EP400: variants seen among roughly 807,000 people sequenced by gnomAD.
The protein encoded by EP400 is E1A-binding protein p400.
EP400 carries 105 observed loss-of-function variants against 354.1 expected under a neutral mutation model. The observed-to-expected ratio is 0.30, with a 90% CI of 0.25 to 0.35. The LOEUF (loss-of-function observed/expected upper bound fraction) is 0.35. EP400 is among the 10% of genes least tolerant of loss of function. The pLI, the probability that EP400 is intolerant of heterozygous loss-of-function variation, is 1.00. For synonymous variants in EP400, 1,646 were observed against 1,716.9 expected (o/e 0.96, Z 1.02); for missense variants, 3,280 against 4,121.0 (o/e 0.80, Z 5.59).
At chr12:131,968,052 G>A (rs1892161538) in intron 2 of EP400, among the ~76,000 whole-genome samples, 1 of 151,908 alleles carries the variant, frequency 6.6e-6, no homozygotes, top group Non-Finnish European at 1.5e-5. Flanking sequence ...TCTTTGGCTT[G>A]TTTTTTTCTT....
chr12:131,951,761 C>T (rs1380567680), intron 1 of EP400, among the ~76,000 whole-genome samples: 2 of 151,430 alleles, frequency 1.3e-5, no homozygotes, highest in East Asian at 2.0e-4. Flanking sequence ...GCCATCATGC[C>T]CAGCTAATTT....
intron 1 of EP400, among the ~76,000 whole-genome samples, chr12:131,950,369 C>T (rs1248468309): frequency 2.6e-5 from 4 of 152,142 alleles, no homozygotes; most frequent in South Asian, 2.1e-4. Flanking sequence ...AACCGGGGGA[C>T]TCCGGCCCGC....
At chr12:132,063,911 A>G (rs1895794448) in intron 47 of EP400, among the ~76,000 whole-genome samples, 2 of 152,148 alleles carry the variant, frequency 1.3e-5, no homozygotes, top group Non-Finnish European at 2.9e-5. Flanking sequence ...TGCTGTGCTC[A>G]AGAGTCCCAG....
Position 132,050,703 on chromosome 12 carries a change from T to C in EP400, c.7394+48T>C. ...TTTGTTACTGTTTGGAAGGATTTCA[T>C]TCCAGTGTCATCTAAGTTCAGTGAG... On this transcript the variant is annotated intron_variant, in intron 41 of 52. Coordinates refer to ENST00000389561, the MANE Select transcript of EP400 (RefSeq NM_015409.5). This position sits in a 1 kb window ranked among gnomAD's most constrained non-coding sequence, Gnocchi z 4.8. 6.2e-7 allele frequency: 1 copy of C among 1,609,770 alleles called. No individual in the cohort carries two copies. The highest frequency in any genetic ancestry group is 1.7e-5 in the Admixed American group (1 of 60,018).
chr12:132,002,212 A>T (rs1000660859), intron 12 of EP400, among the ~76,000 whole-genome samples: 4 of 152,216 alleles, frequency 2.6e-5, no homozygotes, highest in African/African-American at 7.2e-5. Flanking sequence ...AGTGTTTAGT[A>T]CATTTGTATT....
rs770484124 is a variant in EP400, at chr12:131,986,468, C to T, written c.1930-46C>T. On this transcript the variant is annotated intron_variant, in intron 5 of 52. Coordinates refer to ENST00000389561, the MANE Select transcript of EP400 (RefSeq NM_015409.5). ...AGGTATTTGGCACCGTGGGCTGCCC[C>T]GACATCTTTTCTTCACCTTGCTCCA... 1.4e-5 allele frequency: 22 copies of T among 1,539,808 alleles called. No homozygotes were observed. In the Admixed American group the frequency reaches 2.5e-4, roughly 18 times the overall value.
rs575217796 is a variant in EP400 at position 131,996,295 on chromosome 12, C to CTTTTTTTTT, written c.2827+1347_2827+1355dup. On this transcript the variant is annotated intron_variant, in intron 12 of 52. Coordinates refer to ENST00000389561, the MANE Select transcript of EP400 (RefSeq NM_015409.5). The stretch of plus-strand genomic sequence containing the variant: ...AAGCTCCACATCTCAGGAAGGAACT[C>CTTTTTTTTT]TTTTTTTTTTTTTTTTGAGATGGAG... Among the ~76,000 whole-genome samples the CTTTTTTTTT allele has an allele frequency of 1.3e-3, 161 of 128,192 alleles. 2 individuals carry two copies. The highest frequency in any genetic ancestry group is 3.0e-3 in the African/African-American group (93 of 31,294). The allele number at this position is 128,192 out of a possible 152,430, so 84.1% of individuals were successfully genotyped here. A position where few individuals can be genotyped will look rare whatever the true frequency, so the allele number is the denominator to read the frequency against.
chr12:131,963,132 GAAAGAAAAAC>G (rs1216810690), intron 2 of EP400, among the ~76,000 whole-genome samples: 1 of 152,142 alleles, frequency 6.6e-6, no homozygotes, highest in Non-Finnish European at 1.5e-5. Flanking sequence ...CCTGTGCTTA[GAAAGAAAAAC>G]AAATTCGTTT....
rs1483025796 is a variant in EP400, at chr12:131,956,531, C to T, written c.-35-4054C>T. On this transcript the variant is annotated intron_variant, in intron 1 of 52. Transcript: ENST00000389561. ...GTTTTTTAGGTTGGTAGGTTAATTT[C>T]CTTCGGGTAGATTTCTAGAAGTAGG... Among the ~76,000 whole-genome samples the T allele has an allele frequency of 2.1e-4, 32 of 151,960 alleles. 1 individual carries two copies. Among genetic ancestry groups the T allele is most frequent in the Admixed American group, 2.1e-3 (32 of 15,238 alleles).
At chr12:131,951,771 T>G (rs1891508145) in intron 1 of EP400, among the ~76,000 whole-genome samples, 1 of 151,324 alleles carries the variant, frequency 6.6e-6, no homozygotes, top group African/African-American at 2.4e-5. Flanking sequence ...CCAGCTAATT[T>G]TTTTGTATTG....
In EP400 at chr12:132,069,478, T is replaced by C. The variant is rs1374590202; in HGVS notation, c.8875-17T>C. 2 of 1,612,142 alleles carry C rather than the reference T, an allele frequency of 1.2e-6. No homozygotes were observed. Among genetic ancestry groups the C allele is most frequent in the Admixed American group, 3.3e-5 (2 of 59,984 alleles). ...CGGCATGGTCTCTGCGGCCCTAATT[T>C]CGCAGTCTCTCCCCAGATCACCGCA... On this transcript the variant is annotated splice_polypyrimidine_tract_variant and intron_variant, in intron 50 of 52. Transcript: ENST00000389561.
At position 132,043,358 on chromosome 12, in the gene EP400, G is replaced by T. The variant is rs148271415; in HGVS notation, c.6262G>T (p.Gly2088Trp). Residue 2088 changes from glycine to tryptophan, a missense_variant, in exon 33 of 53, where the codon GGG becomes TGG. Physicochemically the swap from Gly to Trp is radical, Grantham distance 184. Transcript: ENST00000389561. ...EEDAQKSAQE[G>W]VLGPHTDALS... ...GGATGCCCAGAAGTCCGCACAGGAGGGGGTGCTGGGACCACACACTGATGC... is the reference window on the plus strand; with the variant it reads ...GGATGCCCAGAAGTCCGCACAGGAGTGGGTGCTGGGACCACACACTGATGC... The T allele has an allele frequency of 5.5e-5, 88 of 1,614,096 alleles. No homozygotes were observed. The East Asian group carries it at 1.3e-3, about 25-fold the overall frequency.
chr12:132,022,751 A>G lies in EP400; in HGVS notation c.4691-1026A>G, dbSNP rs150848471. Among the ~76,000 whole-genome samples the G allele has an allele frequency of 2.4e-3, 371 of 151,540 alleles. 4 individuals are homozygous for G. Among genetic ancestry groups the G allele is most frequent in the Non-Finnish European group, 3.2e-3 (220 of 67,950 alleles). ...AGCTTTATATCTTAAAGCTTTATTT[A>G]TGTATGTGATTTCTTTATGTATCTA... is the stretch of plus-strand genomic sequence containing the variant. On this transcript the variant is annotated intron_variant, in intron 23 of 52. Coordinates refer to ENST00000389561, the MANE Select transcript of EP400 (RefSeq NM_015409.5).
At chr12:131,991,580 T>TC (rs1555273333) in intron 10 of EP400, 124 bp downstream of exon 10, 64 of 831,402 alleles carry the variant, frequency 7.7e-5, no homozygotes, top group Admixed American at 4.5e-4. Context: ...TCTTTTCTTT[T>TC]TTTTTTTTTT....
At chr12:131,973,589 G>A (rs1419256907) in intron 2 of EP400, among the ~76,000 whole-genome samples, 1 of 152,184 alleles carries the variant, frequency 6.6e-6, no homozygotes, top group African/African-American at 2.4e-5. Flanking sequence ...GCTACAGTGA[G>A]CCAAGATTGT....
chr12:132,038,222 C>A lies in EP400; in HGVS notation c.6207+126C>A. 1 of 1,246,850 alleles carries A rather than the reference C, an allele frequency of 8.0e-7. No homozygotes were observed. The highest frequency in any genetic ancestry group is 2.5e-5 in the East Asian group (1 of 40,600). 77.2% of individuals were successfully genotyped at this position (1,246,850 alleles called of 1,614,324 possible). ...CTGGCCTGAAGCCCTCTTCCCGTCCCTGCTTTTGGAACCTCCCCACTCCCT... is the reference window on the plus strand; with the variant it reads ...CTGGCCTGAAGCCCTCTTCCCGTCCATGCTTTTGGAACCTCCCCACTCCCT... On this transcript the variant is annotated intron_variant, in intron 32 of 52. Transcript: ENST00000389561. This position sits in a 1 kb window ranked among gnomAD's most constrained non-coding sequence, Gnocchi z 4.2.
chr12:132,030,204 G>A (rs1395196209), intron 29 of EP400, 46 bp downstream of exon 29: 1 of 1,604,424 alleles, frequency 6.2e-7, no homozygotes, highest in African/African-American at 1.3e-5. Context: ...TCAGTCACTG[G>A]TGTTGAATGC....
intron 45 of EP400, among the ~76,000 whole-genome samples, chr12:132,058,440 C>T (rs182300501): frequency 4.0e-5 from 6 of 151,510 alleles, no homozygotes; most frequent in South Asian, 4.2e-4. Flanking sequence ...CTGCAACCTC[C>T]GCCTCCTGGG....
At chr12:132,011,817 C>T (rs1893776144) in intron 16 of EP400, among the ~76,000 whole-genome samples, 183 bp downstream of exon 16, 1 of 152,218 alleles carries the variant, frequency 6.6e-6, no homozygotes, top group Non-Finnish European at 1.5e-5. Flanking sequence ...TCGGCCTGGC[C>T]ATTCCTTGTG....
Sources: gnomAD v4.1 joint callset for allele counts (sites outside exome capture counted in the v4.1 genomes callset) on GRCh38, gnomAD v4.1.1 for gene constraint, Gnocchi (gnomAD v3.1) non-coding constraint, MANE v1.5 for transcripts, NCBI Gene and HGNC (gene_info 2026-07-23, HGNC 2026-07-21) for gene names.